Variants in FADS1 observed in about 807,000 individuals in gnomAD.
FADS1 encodes the protein fatty acid desaturase 1.
Under a neutral mutation model 61.6 loss-of-function variants are expected in FADS1, and 17 were observed. The observed-to-expected ratio is 0.28, with a 90% CI of 0.19 to 0.41. The LOEUF (loss-of-function observed/expected upper bound fraction) is 0.41, where lower values mean the gene tolerates loss of function less well. Ranked by LOEUF, FADS1 falls within the 10% of genes least tolerant of loss-of-function variation. FADS1 has a pLI of 1.00. For synonymous variants in FADS1, 238 were observed against 258.7 expected (o/e 0.92, Z 0.77); for missense variants, 387 against 650.9 (o/e 0.59, Z 4.41).
intron 1 of FADS1, chr11:61,813,612 A>G: frequency 2.2e-6 from 1 of 448,348 alleles, no homozygotes; most frequent in Non-Finnish European, 3.9e-6. Context: ...AAATGGACCA[A>G]TCAGTGCTCT....
intron 5 of FADS1, 79 bp from the exon 6 acceptor site, chr11:61,806,803 G>C (rs777257090): frequency 7.5e-7 from 1 of 1,325,884 alleles, no homozygotes; most frequent in Non-Finnish European, 1.1e-6. Context: ...CTTGCTTGGA[G>C]GTTTAGGCCT....
chr11:61,813,253 G>C lies in FADS1; in HGVS notation c.476C>G (p.Pro159Arg). ...ELSPEQPSFE[P>R]TKNKELTDEF... ...AACACAGGGTCTTACATTCTTGGTG[G>C]GCTCAAAGCTGGGCTGCTCTGGAGA... Residue 159 changes from proline to arginine, a missense_variant, in exon 2 of 12, where the codon CCC becomes CGC. Transcript: ENST00000350997. The C allele has an allele frequency of 6.3e-7, 1 of 1,599,994 alleles. No homozygotes were observed. The highest frequency in any genetic ancestry group is 1.1e-5 in the South Asian group (1 of 90,740).
chr11:61,803,262 G>C lies in FADS1; in HGVS notation c.1248+101C>G, dbSNP rs982776663. The C allele has an allele frequency of 7.9e-7, 1 of 1,271,672 alleles. No homozygotes were observed. Among genetic ancestry groups the C allele is most frequent in the South Asian group, 1.2e-5 (1 of 83,712 alleles). 78.8% of individuals were successfully genotyped at this position (1,271,672 alleles called of 1,614,324 possible). On this transcript the variant is annotated intron_variant, in intron 9 of 11. Coordinates refer to ENST00000350997, the MANE Select transcript of FADS1 (RefSeq NM_013402.7). The surrounding 1 kb of genome is among the most constrained non-coding windows in gnomAD (Gnocchi z 4.3). ...CAGAACAAGAGCCTCAGGCTAATGA[G>C]AAAATGCTGTTTGGGGGACTTTTTG...
chr11:61,806,766 A>G, intron 5 of FADS1, 42 bp from the exon 6 acceptor site: 2 of 1,577,042 alleles, frequency 1.3e-6, no homozygotes, highest in Non-Finnish European at 1.7e-6. Context: ...GAGACCAGTG[A>G]TTCCTCCCTC....
chr11:61,801,366 C>T lies in FADS1; in HGVS notation c.*1045G>A, dbSNP rs1191396680. The T allele has an allele frequency of 1.3e-5, 2 of 152,328 alleles. No individual in the cohort carries two copies. Among genetic ancestry groups the T allele is most frequent in the Non-Finnish European group, 2.9e-5 (2 of 68,036 alleles). 9.4% of individuals were successfully genotyped at this position (152,328 alleles called of 1,614,324 possible). ...AAAAGACTAACTTGTCCCATCTGCT[C>T]ACTTGCTTATGGAGCTAAAAGACCC... On this transcript the variant is annotated 3_prime_UTR_variant, in exon 12 of 12. Coordinates refer to ENST00000350997, the MANE Select transcript of FADS1 (RefSeq NM_013402.7).
rs1175213618 is a variant in FADS1, at chr11:61,812,615, C to T, written c.540G>A (p.Gly180=). Reference sequence around the variant, plus strand: ...AGAAGACATGGTTGGCCTTCATGAGCCCCATCCGCTCCACTGTGGCCCGCA... The same window carrying T: ...AGAAGACATGGTTGGCCTTCATGAGTCCCATCCGCTCCACTGTGGCCCGCA... ...RELRATVERM[G]LMKANHVFFL... Residue 180 remains glycine (G), a synonymous_variant, in exon 3 of 12, where the codon GGG becomes GGA. Transcript: ENST00000350997. 2.5e-6 allele frequency: 4 copies of T among 1,614,158 alleles called. No individual in the cohort carries two copies. In the South Asian group the frequency reaches 3.3e-5, roughly 13 times the overall value.
intron 6 of FADS1, chr11:61,805,110 A>G (rs1239859497): frequency 1.4e-5 from 6 of 431,072 alleles, no homozygotes; most frequent in East Asian, 7.1e-5. Flanking sequence ...TCTTTTCTAC[A>G]TACACACTCC....
chr11:61,806,692 G>A lies in FADS1; in HGVS notation c.948C>T (p.Tyr316=). The A allele has an allele frequency of 6.2e-7, 1 of 1,614,008 alleles. No homozygotes were observed. Among genetic ancestry groups the A allele is most frequent in the East Asian group, 2.2e-5 (1 of 44,896 alleles). The change falls in exon 6 of 12, where the codon TAC becomes TAT. Residue 316 remains tyrosine (Y), a synonymous_variant. Coordinates refer to ENST00000350997, the MANE Select transcript of FADS1 (RefSeq NM_013402.7). ...LGKQKKKYMP[Y]NHQHKYFFLI... ...GGAAGAAGTATTTGTGCTGGTGGTT[G>A]TACGGCATATATTTTTTCTTCTGTT...
At chr11:61,813,397 C>A in intron 1 of FADS1, 44 bp from the exon 2 acceptor site, 1 of 1,195,098 alleles carries the variant, frequency 8.4e-7, no homozygotes, top group Admixed American at 1.8e-5. Flanking sequence ...AGCCAGCCCC[C>A]TGGACTCCGG....
intron 6 of FADS1, chr11:61,805,076 C>T: frequency 2.1e-6 from 1 of 467,324 alleles, no homozygotes; most frequent in East Asian, 3.3e-5. Flanking sequence ...GCTCCCACAC[C>T]TTTATTATTT....
In FADS1 at chr11:61,815,957, G is replaced by C. The variant is rs2066977605; in HGVS notation, c.375+598C>G. Reference sequence around the variant, plus strand: ...CGGCCGCTTGCCCTCCCCGGCCAGCGCTGTCCCTTCCGCGTCCTCCAGTCT... The same window carrying C: ...CGGCCGCTTGCCCTCCCCGGCCAGCCCTGTCCCTTCCGCGTCCTCCAGTCT... On this transcript the variant is annotated intron_variant, in intron 1 of 11. Coordinates refer to ENST00000350997, the MANE Select transcript of FADS1 (RefSeq NM_013402.7). The surrounding 1 kb of genome is among the most constrained non-coding windows in gnomAD (Gnocchi z 6.4). 2.8e-5 allele frequency: 11 copies of C among 399,140 alleles called. No individual in the cohort carries two copies. Among genetic ancestry groups the C allele is most frequent in the Non-Finnish European group, 5.0e-5 (11 of 218,208 alleles). 24.7% of individuals were successfully genotyped at this position (399,140 alleles called of 1,614,324 possible). A position where few individuals can be genotyped will look rare whatever the true frequency, so the allele number is the denominator to read the frequency against.
chr11:61,813,275 G>A lies in FADS1; in HGVS notation c.454C>T (p.Pro152Ser). ...MNSLLIGELS[P>S]EQPSFEPTKN... Reference sequence around the variant, plus strand: ...GTGGGCTCAAAGCTGGGCTGCTCTGGAGACAGTTCTCCAATCAGGAGAGAG... The same window carrying A: ...GTGGGCTCAAAGCTGGGCTGCTCTGAAGACAGTTCTCCAATCAGGAGAGAG... The change falls in exon 2 of 12, where the codon CCA becomes TCA. Residue 152 changes from proline to serine, a missense_variant. This residue lies in a region of FADS1 where 257 missense variants were observed against 533.3 expected (regional missense o/e 0.48). Coordinates refer to ENST00000350997, the MANE Select transcript of FADS1 (RefSeq NM_013402.7). The A allele has an allele frequency of 6.2e-7, 1 of 1,613,048 alleles. No homozygotes were observed. Among genetic ancestry groups the A allele is most frequent in the Non-Finnish European group, 8.5e-7 (1 of 1,179,244 alleles).
chr11:61,816,710 G>T lies in FADS1; in HGVS notation c.220C>A (p.Pro74Thr). 6.3e-7 allele frequency: 1 copy of T among 1,575,502 alleles called. No individual in the cohort carries two copies. The highest frequency in any genetic ancestry group is 2.3e-5 in the East Asian group (1 of 42,814). Residue 74 changes from proline to threonine, a missense_variant, in exon 1 of 12, where the codon CCG becomes ACG. This residue lies in a region of FADS1 where 130 missense variants were observed against 117.7 expected (regional missense o/e 1.10). Coordinates refer to ENST00000350997, the MANE Select transcript of FADS1 (RefSeq NM_013402.7). The surrounding 1 kb of genome is among the most constrained non-coding windows in gnomAD (Gnocchi z 7.0). ...AAETAAQGPT[P>T]RYFTWDEVAQ... The stretch of plus-strand genomic sequence containing the variant: ...ACCTCGTCCCAGGTGAAGTAGCGCG[G>T]GGTAGGTCCCTGAGCCGCGGTCTCG...
chr11:61,808,690 A>G (rs2135937568), intron 5 of FADS1, among the ~76,000 whole-genome samples: 1 of 152,318 alleles, frequency 6.6e-6, no homozygotes, highest in South Asian at 2.1e-4. Flanking sequence ...GCCCCCAAGC[A>G]AGGGCGCCCC....
At chr11:61,812,784 G>T in intron 2 of FADS1, 116 bp from the exon 3 acceptor site, 1 of 855,530 alleles carries the variant, frequency 1.2e-6, no homozygotes, top group Non-Finnish European at 1.9e-6. Flanking sequence ...GAAGTCCACA[G>T]TCCTAGGCAA....
Position 61,812,491 on chromosome 11 carries a change from C to G in FADS1, c.664G>C (p.Val222Leu). Residue 222 changes from valine (V) to leucine (L), a missense_variant, in exon 3 of 12, where the codon GTG becomes CTG. By Grantham distance (32) the Val-to-Leu change is conservative. Around this residue, in one of 2 missense-constraint regions of FADS1, gnomAD observed 257 missense variants for 533.3 expected, o/e 0.48. Transcript: ENST00000350997. ...TSFLPFLLCA[V>L]LLSAVQAQAG... The stretch of plus-strand genomic sequence containing the variant: ...CTCACCTGAACTGCACTGAGCAGCA[C>G]CGCACAGAGGAGGAAGGGCAAAAAG... 1.2e-6 allele frequency: 2 copies of G among 1,613,982 alleles called. No homozygotes were observed. The highest frequency in any genetic ancestry group is 1.7e-6 in the Non-Finnish European group (2 of 1,180,004).
At chr11:61,812,804 G>A (rs191018999) in intron 2 of FADS1, 136 bp from the exon 3 acceptor site, 40 of 713,896 alleles carry the variant, frequency 5.6e-5, no homozygotes, top group East Asian at 1.6e-4. Context: ...AAGATACCAC[G>A]ACAATGAGGA....
intron 3 of FADS1, 74 bp downstream of exon 3, chr11:61,812,397 T>C: frequency 6.9e-7 from 1 of 1,445,512 alleles, no homozygotes; most frequent in Admixed American, 1.7e-5. Flanking sequence ...CTCTTGGCCT[T>C]CCTCAAACAC....
At position 61,816,575 on chromosome 11, in the gene FADS1, A is replaced by G. The variant is rs768649670; in HGVS notation, c.355T>C (p.Tyr119His). 1 of 1,608,556 alleles carries G rather than the reference A, an allele frequency of 6.2e-7. No individual in the cohort carries two copies. The highest frequency in any genetic ancestry group is 1.1e-5 in the South Asian group (1 of 90,282). The part of the protein sequence containing the change: ...HPGGSRVISH[Y>H]AGQDATDPFV... Reference sequence around the variant, plus strand: ...CTCACCGTGGCATCCTGCCCGGCGTAGTGGCTGATGACCCGGGAGCCCCCT... The same window carrying G: ...CTCACCGTGGCATCCTGCCCGGCGTGGTGGCTGATGACCCGGGAGCCCCCT... The change falls in exon 1 of 12, where the codon TAC becomes CAC. Residue 119 changes from tyrosine (Y) to histidine (H), a missense_variant. Around this residue, in one of 2 missense-constraint regions of FADS1, gnomAD observed 257 missense variants for 533.3 expected, o/e 0.48. Coordinates refer to ENST00000350997, the MANE Select transcript of FADS1 (RefSeq NM_013402.7). This position sits in a 1 kb window ranked among gnomAD's most constrained non-coding sequence, Gnocchi z 7.0.
Sources: allele counts gnomAD v4.1 joint callset (sites outside exome capture counted in the v4.1 genomes callset), GRCh38; gene constraint gnomAD v4.1.1; regional missense constraint gnomAD v4.1.1; non-coding constraint Gnocchi (gnomAD v3.1); transcripts MANE v1.5; gene names NCBI Gene and HGNC (gene_info 2026-07-23, HGNC 2026-07-21).